TAB2: variants seen among roughly 807,000 people sequenced by gnomAD.
The protein encoded by TAB2 is TGF-beta-activated kinase 1 and MAP3K7-binding protein 2.
In TAB2, 3 loss-of-function variants were observed where a neutral mutation model predicts 65.0. The ratio of observed to expected loss-of-function variants is 0.05; its 90% CI spans 0.02 to 0.12. The LOEUF (loss-of-function observed/expected upper bound fraction) is 0.12. TAB2 is among the 10% of genes least tolerant of loss of function. TAB2 has a pLI of 1.00. For missense variants in TAB2, 623 were observed against 840.3 expected (o/e 0.74, Z 3.20); for synonymous variants, 298 against 285.1 (o/e 1.05, Z -0.46).
chr6:149,280,901 C>T lies in TAB2; in HGVS notation c.-121+62125C>T, dbSNP rs555239635. Among the ~76,000 whole-genome samples, 3 of 144,928 alleles carry T rather than the reference C, an allele frequency of 2.1e-5. No homozygotes were observed. The East Asian group carries it at 6.1e-4, about 29-fold the overall frequency. Reference sequence around the variant, plus strand: ...GAGCCATGATTGTGCTACTACACTCCAGCATAGGTGACAGAATGAGACCTC... The same window carrying T: ...GAGCCATGATTGTGCTACTACACTCTAGCATAGGTGACAGAATGAGACCTC... On this transcript the variant is annotated intron_variant, in intron 1 of 1. Transcript: ENST00000606202.
chr6:149,354,960 TGTG>T (rs1017115469), intron 1 of TAB2, among the ~76,000 whole-genome samples: 3 of 152,178 alleles, frequency 2.0e-5, no homozygotes, highest in Non-Finnish European at 4.4e-5. Context: ...AAAATAGAAT[TGTG>T]AAGTCAAAAA....
intron 1 of TAB2, among the ~76,000 whole-genome samples, chr6:149,275,792 C>T (rs544723752): frequency 1.3e-5 from 2 of 152,280 alleles, no homozygotes; most frequent in East Asian, 3.9e-4. Flanking sequence ...TTTCCCAAAA[C>T]CCATAACTCC....
intron 1 of TAB2, among the ~76,000 whole-genome samples, chr6:149,325,427 G>T (rs1000238770): frequency 4.5e-4 from 69 of 152,226 alleles, no homozygotes; most frequent in African/African-American, 1.6e-3. Flanking sequence ...AATGAAAAAA[G>T]AATTTCTGTA....
At chr6:149,346,118 G>C (rs1395645294) in intron 1 of TAB2, among the ~76,000 whole-genome samples, 2 of 152,134 alleles carry the variant, frequency 1.3e-5, no homozygotes, top group African/African-American at 2.4e-5. Context: ...ATGAAGAGAG[G>C]GAGGAAGGGG....
chr6:149,345,277 A>G (rs1583107226), intron 1 of TAB2, among the ~76,000 whole-genome samples: 1 of 152,164 alleles, frequency 6.6e-6, no homozygotes, highest in East Asian at 1.9e-4. Flanking sequence ...ACCTACATAT[A>G]TAAATTCATA....
rs762363580 is a variant in TAB2 at position 149,379,445 on chromosome 6, A to G, written c.1530A>G (p.Thr510=). The change falls in exon 3 of 7, where the codon ACA becomes ACG. Residue 510 remains threonine (T), a synonymous_variant. Transcript: ENST00000637181. ...ATATTCAGCACCTCACGGACCCTAC[A>G]TTAGCACATGTGGATAGAATAAGTG... ...TENIQHLTDP[T]LAHVDRISET... 6.2e-6 allele frequency: 10 copies of G among 1,614,200 alleles called. No homozygotes were observed. The highest frequency in any genetic ancestry group is 1.7e-5 in the Admixed American group (1 of 60,028).
intron 6 of TAB2, among the ~76,000 whole-genome samples, chr6:149,404,489 G>T (rs1021335167): frequency 2.0e-5 from 3 of 152,128 alleles, no homozygotes; most frequent in African/African-American, 7.2e-5. Context: ...GCAATCTTGA[G>T]TAAGCAAAAC....
chr6:149,326,225 T>C (rs1779611746), intron 1 of TAB2, among the ~76,000 whole-genome samples: 1 of 148,416 alleles, frequency 6.7e-6, no homozygotes, highest in South Asian at 2.1e-4. Flanking sequence ...ACTCAGTAGA[T>C]TAAGACAAAA....
Position 149,303,270 on chromosome 6 carries a change from C to T in TAB2, c.-120-74748C>T, listed in dbSNP as rs930587921. 1.5e-4 allele frequency among the ~76,000 whole-genome samples: 23 copies of T among 152,146 alleles called. 3 individuals carry two copies. Among genetic ancestry groups the T allele is most frequent in the Admixed American group, 1.2e-3 (19 of 15,274 alleles). On this transcript the variant is annotated intron_variant, in intron 1 of 1. Coordinates refer to the TAB2 transcript ENST00000606202. ...TGGCCTTGGCACAATAAATGCAATG[C>T]TTTTGAATCATCCCAAAACCATCCT...
intron 1 of TAB2, among the ~76,000 whole-genome samples, chr6:149,351,920 A>G (rs567224686): frequency 8.5e-5 from 13 of 152,306 alleles, no homozygotes; most frequent in African/African-American, 3.1e-4. Flanking sequence ...TTTCACCAGA[A>G]AATTTTAGAA....
chr6:149,305,932 G>A (rs1182449886), intron 1 of TAB2, among the ~76,000 whole-genome samples: 1 of 152,200 alleles, frequency 6.6e-6, no homozygotes, highest in Non-Finnish European at 1.5e-5. Flanking sequence ...TGAGGCCTAG[G>A]AACATGAAGA....
intron 1 of TAB2, chr6:149,257,238 T>C (rs1306123646): frequency 6.6e-6 from 1 of 152,214 alleles, no homozygotes; most frequent in Non-Finnish European, 1.5e-5. Flanking sequence ...ATCATTCAGA[T>C]GGTTTCAAAT....
chr6:149,400,356 T>C (rs1291644129), intron 6 of TAB2: 15 of 1,604,336 alleles, frequency 9.3e-6, no homozygotes, highest in Non-Finnish European at 1.2e-5. Flanking sequence ...CCACCTCTTT[T>C]GTGAAGCAGC....
chr6:149,219,451 A>G (rs1265375016), intron 1 of TAB2, among the ~76,000 whole-genome samples: 3 of 152,196 alleles, frequency 2.0e-5, no homozygotes, highest in African/African-American at 4.8e-5. Flanking sequence ...TTAAGAGACT[A>G]GTTTGCCCAG....
At chr6:149,305,361 C>A (rs1779046244) in intron 1 of TAB2, among the ~76,000 whole-genome samples, 1 of 152,134 alleles carries the variant, frequency 6.6e-6, no homozygotes, top group African/African-American at 2.4e-5. Context: ...ACTGGGCTCA[C>A]CACAAGCTTA....
intron 6 of TAB2, among the ~76,000 whole-genome samples, chr6:149,403,247 A>ATATATATAT (rs1446132000): frequency 7.3e-4 from 32 of 43,998 alleles, no homozygotes; most frequent in Admixed American, 2.5e-3. Flanking sequence ...AAAAAAAAAA[A>ATATATATAT]ATATATATAT....
At chr6:149,342,327 T>G (rs2114781606) in intron 1 of TAB2, among the ~76,000 whole-genome samples, 1 of 152,282 alleles carries the variant, frequency 6.6e-6, no homozygotes, top group South Asian at 2.1e-4. Flanking sequence ...AAATGAGGAC[T>G]TTACATTTCC....
chr6:149,375,194 G>A (rs1249152092), intron 2 of TAB2, among the ~76,000 whole-genome samples: 2 of 152,056 alleles, frequency 1.3e-5, no homozygotes, highest in African/African-American at 4.8e-5. Context: ...AGTAGCTGAG[G>A]CATATACATC....
chr6:149,397,714 C>G lies in TAB2; in HGVS notation c.1714C>G (p.Leu572Val), dbSNP rs1562452444. The change falls in exon 4 of 7, where the codon CTA becomes GTA. Residue 572 changes from leucine (L) to valine (V), a missense_variant. Around this residue, in one of 3 missense-constraint regions of TAB2, gnomAD observed 550 missense variants for 665.7 expected, o/e 0.83. Coordinates refer to ENST00000637181, the MANE Select transcript of TAB2 (RefSeq NM_001292034.3). ...KSEVNEMENN[L>V]TRRRLKRSNS... ...TGAGGTTAATGAAATGGAAAATAATCTAACTCGAAGGCGCCTGAAAAGATC... is the reference window on the plus strand; with the variant it reads ...TGAGGTTAATGAAATGGAAAATAATGTAACTCGAAGGCGCCTGAAAAGATC... The G allele has an allele frequency of 1.2e-6, 2 of 1,613,868 alleles. No individual in the cohort carries two copies. The highest frequency in any genetic ancestry group is 8.5e-7 in the Non-Finnish European group (1 of 1,179,994).
Sources: gnomAD v4.1 joint callset for allele counts (sites outside exome capture counted in the v4.1 genomes callset) on GRCh38, gnomAD v4.1.1 for gene constraint, gnomAD v4.1.1 regional missense constraint, MANE v1.5 for transcripts, NCBI Gene and HGNC (gene_info 2026-07-23, HGNC 2026-07-21) for gene names.